The following NLGN1 variants were observed in gnomAD, a reference collection of about 807,000 sequenced individuals.
NLGN1 encodes the protein neuroligin-1.
NLGN1 carries 12 observed loss-of-function variants against 65.5 expected under a neutral mutation model. The ratio of observed to expected loss-of-function variants is 0.18; its 90% CI spans 0.12 to 0.30. The LOEUF is 0.30. NLGN1 is among the 10% of genes least tolerant of loss of function. The pLI, the probability that NLGN1 is intolerant of heterozygous loss-of-function variation, is 1.00. For synonymous variants in NLGN1, 350 were observed against 359.5 expected (o/e 0.97, Z 0.30); for missense variants, 750 against 1,007.1 (o/e 0.74, Z 3.46).
At chr3:173,479,464 G>A (rs766671005) in intron 2 of NLGN1, among the ~76,000 whole-genome samples, 6 of 152,206 alleles carry the variant, frequency 3.9e-5, no homozygotes, top group African/African-American at 1.2e-4. Flanking sequence ...TATCACAATC[G>A]TGAAATCTGG....
At chr3:173,788,128 TAA>T (rs903780458) in intron 3 of NLGN1, among the ~76,000 whole-genome samples, 4 of 137,964 alleles carry the variant, frequency 2.9e-5, no homozygotes, top group Admixed American at 8.2e-5. Context: ...ACAATGGAAA[TAA>T]AGAGTTCTGT....
intron 3 of NLGN1, among the ~76,000 whole-genome samples, chr3:173,755,644 A>G (rs1390600235): frequency 6.6e-6 from 1 of 152,026 alleles, no homozygotes; most frequent in Non-Finnish European, 1.5e-5. Context: ...CCTCAAACAC[A>G]TTGTCCCAGT....
intron 3 of NLGN1, among the ~76,000 whole-genome samples, chr3:173,801,153 A>G (rs1715387857): frequency 6.6e-6 from 1 of 151,996 alleles, no homozygotes; most frequent in Non-Finnish European, 1.5e-5. Flanking sequence ...TACTTCATTA[A>G]TATCCAAATT....
intron 4 of NLGN1, among the ~76,000 whole-genome samples, chr3:173,969,490 C>T (rs1177798179): frequency 6.6e-6 from 1 of 152,040 alleles, no homozygotes; most frequent in Non-Finnish European, 1.5e-5. Context: ...ATAGTGGGCA[C>T]TATCCAGAAT....
chr3:173,643,685 T>A (rs1419045710), intron 3 of NLGN1, among the ~76,000 whole-genome samples: 4 of 152,204 alleles, frequency 2.6e-5, no homozygotes, highest in African/African-American at 9.6e-5. Context: ...GGGGAAAAAA[T>A]AATCCTAGTG....
intron 1 of NLGN1, among the ~76,000 whole-genome samples, chr3:173,422,185 C>G (rs1363169880): frequency 2.0e-5 from 3 of 151,118 alleles, no homozygotes; most frequent in Admixed American, 2.0e-4. Flanking sequence ...GAATACTATT[C>G]AGCTATAAAA....
chr3:173,428,607 A>C (rs1199003284), intron 1 of NLGN1, among the ~76,000 whole-genome samples: 1 of 151,892 alleles, frequency 6.6e-6, no homozygotes, highest in Non-Finnish European at 1.5e-5. Context: ...ATATATTCCT[A>C]TCTCTTAAGA....
chr3:173,543,311 G>A (rs888990101), intron 2 of NLGN1, among the ~76,000 whole-genome samples: 3 of 152,090 alleles, frequency 2.0e-5, no homozygotes, highest in Admixed American at 6.6e-5. Flanking sequence ...AGCAAAAATG[G>A]ATGTATTGCT....
At chr3:173,756,200 G>A (rs997764738) in intron 3 of NLGN1, among the ~76,000 whole-genome samples, 1 of 151,734 alleles carries the variant, frequency 6.6e-6, no homozygotes, top group Non-Finnish European at 1.5e-5. Context: ...TTACTTTTAT[G>A]TGGTAAGACC....
intron 4 of NLGN1, among the ~76,000 whole-genome samples, chr3:173,887,466 A>C (rs1176163716): frequency 6.6e-6 from 1 of 152,006 alleles, no homozygotes; most frequent in Non-Finnish European, 1.5e-5. Flanking sequence ...AACATCAAAA[A>C]AATTTAAATT....
chr3:173,536,524 T>C (rs1448162824), intron 2 of NLGN1, among the ~76,000 whole-genome samples: 1 of 152,234 alleles, frequency 6.6e-6, no homozygotes, highest in Non-Finnish European at 1.5e-5. Context: ...TATCTTCATG[T>C]ACTTGTTAAC....
At chr3:174,117,031 C>G (rs939033284) in intron 4 of NLGN1, among the ~76,000 whole-genome samples, 1 of 151,822 alleles carries the variant, frequency 6.6e-6, no homozygotes, top group African/African-American at 2.4e-5. Flanking sequence ...TAAAAGTTGG[C>G]GTGACAGATA....
intron 1 of NLGN1, among the ~76,000 whole-genome samples, chr3:173,404,201 G>A (rs1053037171): frequency 1.3e-5 from 2 of 151,960 alleles, no homozygotes; most frequent in African/African-American, 4.8e-5. Context: ...TAACCTCATT[G>A]CAATAACTCT....
At chr3:174,183,962 G>A (rs969707582) in intron 4 of NLGN1, among the ~76,000 whole-genome samples, 45 of 152,190 alleles carry the variant, frequency 3.0e-4, no homozygotes, top group Admixed American at 1.3e-3. Flanking sequence ...TTATTTTTCA[G>A]TTGAAAGCAA....
At chr3:173,417,353 T>C (rs1360618873) in intron 1 of NLGN1, among the ~76,000 whole-genome samples, 1 of 151,928 alleles carries the variant, frequency 6.6e-6, no homozygotes, top group Non-Finnish European at 1.5e-5. Context: ...AAAAGCTCAC[T>C]GATTAAAACT....
intron 1 of NLGN1, among the ~76,000 whole-genome samples, chr3:173,423,403 C>T (rs753985102): frequency 6.6e-6 from 1 of 152,130 alleles, no homozygotes; most frequent in Non-Finnish European, 1.5e-5. Context: ...AGTCCAAGTC[C>T]AAAGCCTTAT....
chr3:174,219,244 A>C (rs1032701102), intron 4 of NLGN1, among the ~76,000 whole-genome samples: 2 of 152,106 alleles, frequency 1.3e-5, no homozygotes, highest in African/African-American at 4.8e-5. Context: ...CTGAAGCAGT[A>C]AAGTGGGGAT....
At chr3:174,275,325 T>A in exon 5 of NLGN1, 1 of 1,611,722 alleles carries the variant, frequency 6.2e-7, no homozygotes, top group Non-Finnish European at 8.5e-7. Flanking sequence ...GTTTCTTGAG[T>A]ACAGGCGATC....
intron 2 of NLGN1, among the ~76,000 whole-genome samples, chr3:173,574,274 G>C (rs1418824763): frequency 1.3e-5 from 2 of 151,624 alleles, no homozygotes; most frequent in Non-Finnish European, 2.9e-5. Context: ...ATTGAATGCT[G>C]TCAATAGAAA....
Sources: gnomAD v4.1 joint callset for allele counts (sites outside exome capture counted in the v4.1 genomes callset) on GRCh38, gnomAD v4.1.1 for gene constraint, MANE v1.5 for transcripts, NCBI Gene and HGNC (gene_info 2026-07-23, HGNC 2026-07-21) for gene names.